Variants in PCDH15 observed in about 807,000 individuals in gnomAD.
PCDH15 encodes the protein protocadherin-15.
PCDH15 carries 129 observed loss-of-function variants against 178.5 expected under a neutral mutation model. The ratio of observed to expected loss-of-function variants is 0.72; its 90% CI spans 0.63 to 0.84. The LOEUF (loss-of-function observed/expected upper bound fraction) is 0.84, where lower values mean the gene tolerates loss of function less well. PCDH15 is among the 40% of genes least tolerant of loss of function. The pLI is 0.00. For missense variants in PCDH15, 2,230 were observed against 2,099.9 expected, an observed-to-expected ratio of 1.06 and a Z score of -1.21; for synonymous variants, 800 against 732.0, an observed-to-expected ratio of 1.09 and a Z score of -1.50.
intron 9 of PCDH15, among the ~76,000 whole-genome samples, chr10:54,219,419 T>G (rs2052517652): frequency 6.8e-6 from 1 of 147,562 alleles, no homozygotes; most frequent in Non-Finnish European, 1.5e-5. Context: ...TGACACCCCA[T>G]CTCTACTAAA....
chr10:54,870,603 G>C (rs1488753292), intron 3 of PCDH15, among the ~76,000 whole-genome samples: 2 of 151,934 alleles, frequency 1.3e-5, no homozygotes, highest in Non-Finnish European at 2.9e-5. Context: ...GGCTAACACG[G>C]TGAAAACCCG....
intron 1 of PCDH15, among the ~76,000 whole-genome samples, chr10:55,285,708 A>C (rs1284120039): frequency 6.6e-6 from 1 of 151,880 alleles, no homozygotes; most frequent in Non-Finnish European, 1.5e-5. Flanking sequence ...TTGAGGGAAA[A>C]TTTTGAATGA....
chr10:54,568,364 A>T (rs189662431), intron 2 of PCDH15, among the ~76,000 whole-genome samples: 3 of 151,986 alleles, frequency 2.0e-5, no homozygotes, highest in Admixed American at 6.6e-5. Flanking sequence ...CTCACATCTT[A>T]TCCCCTCCCT....
intron 13 of PCDH15, among the ~76,000 whole-genome samples, chr10:54,154,914 G>A (rs2044942993): frequency 6.6e-6 from 1 of 152,100 alleles, no homozygotes; most frequent in African/African-American, 2.4e-5. Flanking sequence ...AAAATGAATG[G>A]CATATATTTA....
At chr10:54,248,725 A>G (rs761985529) in intron 8 of PCDH15, among the ~76,000 whole-genome samples, 12 of 152,122 alleles carry the variant, frequency 7.9e-5, no homozygotes, top group Non-Finnish European at 1.0e-4. Flanking sequence ...AAAAAAATTC[A>G]TGCTGTCAAG....
intron 2 of PCDH15, among the ~76,000 whole-genome samples, chr10:55,140,007 G>GA (rs1449451975): frequency 3.3e-5 from 5 of 151,814 alleles, no homozygotes; most frequent in African/African-American, 9.7e-5. Flanking sequence ...TTACACCTAA[G>GA]AAAAGAATTT....
chr10:55,485,394 G>A (rs1589071859), intron 2 of PCDH15, among the ~76,000 whole-genome samples: 2 of 151,570 alleles, frequency 1.3e-5, no homozygotes, highest in East Asian at 3.9e-4. Context: ...GCAACCTCAG[G>A]CATAAATGGG....
chr10:55,299,420 A>C (rs1843213754), intron 1 of PCDH15, among the ~76,000 whole-genome samples: 1 of 152,182 alleles, frequency 6.6e-6, no homozygotes, highest in Non-Finnish European at 1.5e-5. Context: ...TTACGTTATA[A>C]GCCTATTTTC....
chr10:54,517,970 A>G (rs1011536905), intron 3 of PCDH15, among the ~76,000 whole-genome samples: 3 of 152,238 alleles, frequency 2.0e-5, no homozygotes, highest in Non-Finnish European at 4.4e-5. Flanking sequence ...TACTGGGTAC[A>G]TAATGAAATG....
At chr10:54,290,245 G>A (rs7911669) in intron 8 of PCDH15, among the ~76,000 whole-genome samples, 30,480 of 152,052 alleles carry the variant, frequency 0.2, 3,134 homozygotes, top group Admixed American at 0.23. Context: ...AATATTCAAC[G>A]TTCTTAAAGA....
intron 1 of PCDH15, among the ~76,000 whole-genome samples, chr10:55,263,985 C>T (rs1463337183): frequency 1.4e-5 from 2 of 141,142 alleles, no homozygotes; most frequent in South Asian, 2.2e-4. Context: ...TCGCCCGCCT[C>T]GGCCTCCCAA....
chr10:54,667,528 G>A (rs2094590337), intron 1 of PCDH15, among the ~76,000 whole-genome samples: 1 of 152,032 alleles, frequency 6.6e-6, no homozygotes. Flanking sequence ...TTTGTTACTA[G>A]CTTTTTAATC....
chr10:54,171,861 T>C (rs2046944012), intron 13 of PCDH15, among the ~76,000 whole-genome samples: 1 of 151,362 alleles, frequency 6.6e-6, no homozygotes, highest in South Asian at 2.1e-4. Context: ...CCCCACAATA[T>C]CACCCCTTAC....
chr10:55,215,693 G>T (rs1463231713), intron 1 of PCDH15, among the ~76,000 whole-genome samples: 1 of 151,922 alleles, frequency 6.6e-6, no homozygotes, highest in South Asian at 2.1e-4. Context: ...GGCTTCCATG[G>T]CAGGATAATT....
chr10:55,112,238 A>G (rs1339428098), intron 2 of PCDH15, among the ~76,000 whole-genome samples: 1 of 152,162 alleles, frequency 6.6e-6, no homozygotes, highest in South Asian at 2.1e-4. Flanking sequence ...TAAATTGATC[A>G]TAAGGGTGGA....
chr10:54,905,077 G>C (rs1954697290), intron 2 of PCDH15, among the ~76,000 whole-genome samples: 1 of 151,894 alleles, frequency 6.6e-6, no homozygotes, highest in Non-Finnish European at 1.5e-5. Flanking sequence ...CCAATGTTCA[G>C]AGAAGTTGTC....
intron 20 of PCDH15, among the ~76,000 whole-genome samples, chr10:54,014,139 C>T (rs1401423736): frequency 6.6e-6 from 1 of 152,012 alleles, no homozygotes; most frequent in Non-Finnish European, 1.5e-5. Flanking sequence ...CTATGAACAC[C>T]TCTGGGTACA....
chr10:55,063,903 T>TA (rs1451581122), intron 2 of PCDH15, among the ~76,000 whole-genome samples: 1 of 152,172 alleles, frequency 6.6e-6, no homozygotes, highest in Non-Finnish European at 1.5e-5. Flanking sequence ...TATCCTGTGA[T>TA]AAAGGCTGTT....
intron 2 of PCDH15, among the ~76,000 whole-genome samples, chr10:55,601,521 A>G (rs1360403549): frequency 1.3e-5 from 2 of 152,208 alleles, no homozygotes; most frequent in Non-Finnish European, 2.9e-5. Context: ...TAGGATTTTT[A>G]CACAATATGT....
Sources: allele counts gnomAD v4.1 joint callset (sites outside exome capture counted in the v4.1 genomes callset), GRCh38; gene constraint gnomAD v4.1.1; transcripts MANE v1.5; gene names NCBI Gene and HGNC (gene_info 2026-07-23, HGNC 2026-07-21).